SH3D19: variants seen among roughly 807,000 people sequenced by gnomAD.
SH3D19 encodes the protein SH3 domain containing 19.
A neutral mutation model predicts 112.1 loss-of-function variants in SH3D19; 58 were observed. The ratio of observed to expected loss-of-function variants is 0.52; its 90% CI spans 0.42 to 0.64. The LOEUF (loss-of-function observed/expected upper bound fraction) is 0.64, where lower values mean the gene tolerates loss of function less well. Ranked by LOEUF, SH3D19 falls within the 30% of genes least tolerant of loss-of-function variation. The pLI, the probability that SH3D19 is intolerant of heterozygous loss-of-function variation, is 0.00. For missense variants in SH3D19, 1,090 were observed against 1,263.4 expected (o/e 0.86, Z 2.08); for synonymous variants, 391 against 448.5 (o/e 0.87, Z 1.62).
chr4:151,193,512 C>T (rs1161306315), intron 2 of SH3D19, among the ~76,000 whole-genome samples: 4 of 152,154 alleles, frequency 2.6e-5, no homozygotes, highest in South Asian at 2.1e-4. Flanking sequence ...CCTGTCTCTT[C>T]GTAAGTTAAG....
intron 2 of SH3D19, among the ~76,000 whole-genome samples, chr4:151,198,394 T>A (rs1235539854): frequency 1.4e-5 from 2 of 143,752 alleles, no homozygotes; most frequent in African/African-American, 5.1e-5. Flanking sequence ...ATATATAATA[T>A]ATATCATATA....
intron 6 of SH3D19, 62 bp downstream of exon 6, chr4:151,176,472 A>G: frequency 8.3e-7 from 1 of 1,199,018 alleles, no homozygotes; most frequent in Non-Finnish European, 1.0e-6. Flanking sequence ...AAAGGCTGGA[A>G]GCCTACGGAT....
chr4:151,319,297 G>T (rs1355144339), intron 1 of SH3D19, among the ~76,000 whole-genome samples: 2 of 152,172 alleles, frequency 1.3e-5, no homozygotes, highest in Non-Finnish European at 2.9e-5. Flanking sequence ...TAGTCCACCC[G>T]CATTGGCCTC....
At chr4:151,258,640 C>T (rs1174754184) in intron 1 of SH3D19, among the ~76,000 whole-genome samples, 1 of 152,226 alleles carries the variant, frequency 6.6e-6, no homozygotes, top group Admixed American at 6.5e-5. Context: ...CCTGCTCTCC[C>T]AGGACAGCAG....
In SH3D19 at chr4:151,306,364, T is replaced by C. The variant is rs189833847; in HGVS notation, c.112+18877A>G. ...TCTGTTTACGTCATTTTTCTTATTTTAATAACAGGATGACAAAAGAACCTG... is the reference window on the plus strand; with the variant it reads ...TCTGTTTACGTCATTTTTCTTATTTCAATAACAGGATGACAAAAGAACCTG... On this transcript the variant is annotated intron_variant, in intron 1 of 19. Coordinates refer to ENST00000604030, the MANE Select transcript of SH3D19 (RefSeq NM_001378122.1). Among the ~76,000 whole-genome samples, 41 of 152,360 alleles carry C rather than the reference T, an allele frequency of 2.7e-4. No homozygotes were observed. The East Asian group carries it at 6.7e-3, about 25-fold the overall frequency.
Position 151,127,696 on chromosome 4 carries a change from C to G in SH3D19, c.2949G>C (p.Leu983Phe). 2 of 1,595,918 alleles carry G rather than the reference C, an allele frequency of 1.3e-6. No individual in the cohort carries two copies. Among genetic ancestry groups the G allele is most frequent in the Non-Finnish European group, 1.7e-6 (2 of 1,174,376 alleles). The change falls in exon 19 of 20, where the codon TTG (leucine) becomes TTC (phenylalanine). Residue 983 changes from leucine to phenylalanine, a missense_variant. Physicochemically the swap from Leu to Phe is conservative, Grantham distance 22 (BLOSUM62 0). Coordinates refer to ENST00000604030, the MANE Select transcript of SH3D19 (RefSeq NM_001378122.1). The stretch of plus-strand genomic sequence containing the variant: ...CCTTCCTCCCCTTCGGTACTATGGC[C>G]AACATACTTTTTGCCTCAGCTGTGA... ...RPCPAEAKSM[L>F]AIVPKGRKAK...
intron 11 of SH3D19, among the ~76,000 whole-genome samples, chr4:151,147,188 A>C (rs1376359736): frequency 6.6e-6 from 1 of 152,216 alleles, no homozygotes; most frequent in Non-Finnish European, 1.5e-5. Flanking sequence ...TCGAGACTGC[A>C]GTACACTATG....
chr4:151,130,641 C>T (rs1319640475), intron 17 of SH3D19, among the ~76,000 whole-genome samples: 2 of 151,946 alleles, frequency 1.3e-5, no homozygotes, highest in African/African-American at 2.4e-5. Flanking sequence ...AGTTGAGAAA[C>T]GTATAAAGAA....
intron 2 of SH3D19, among the ~76,000 whole-genome samples, chr4:151,198,727 CAT>C (rs1319047087): frequency 3.3e-5 from 5 of 151,804 alleles, no homozygotes; most frequent in African/African-American, 1.2e-4. Context: ...CATAAAAATG[CAT>C]AAATTATTTA....
In SH3D19 at chr4:151,215,684, T is replaced by C. The variant is rs867512991; in HGVS notation, c.152+10363A>G. ...AAGATGGCCTACAACTAAAATGAGA[T>C]TAGAAGTGGCAAAAACTTATCATGA... On this transcript the variant is annotated intron_variant, in intron 2 of 19. Coordinates refer to ENST00000604030, the MANE Select transcript of SH3D19 (RefSeq NM_001378122.1). 4.6e-5 allele frequency among the ~76,000 whole-genome samples: 7 copies of C among 152,264 alleles called. No individual in the cohort carries two copies. In the South Asian group the frequency reaches 1.5e-3, roughly 32 times the overall value.
At chr4:151,153,830 G>GC (rs1755544985) in intron 9 of SH3D19, among the ~76,000 whole-genome samples, 1 of 152,080 alleles carries the variant, frequency 6.6e-6, no homozygotes, top group Admixed American at 6.6e-5. Context: ...TGTCATGTGA[G>GC]GAACAAACAC....
chr4:151,149,731 T>G (rs1754578518), intron 9 of SH3D19, among the ~76,000 whole-genome samples, 170 bp from the exon 10 acceptor site: 1 of 152,196 alleles, frequency 6.6e-6, no homozygotes. Context: ...TATTTCTGCC[T>G]AAATTATTCA....
chr4:151,255,785 G>A (rs2149982796), intron 1 of SH3D19, among the ~76,000 whole-genome samples: 1 of 152,384 alleles, frequency 6.6e-6, no homozygotes, highest in South Asian at 2.1e-4. Flanking sequence ...GGCACCTCGG[G>A]AGGCCGAGGC....
chr4:151,318,256 G>A (rs2407169), intron 1 of SH3D19, among the ~76,000 whole-genome samples: 17,752 of 143,856 alleles, frequency 0.12, 1,158 homozygotes, highest in South Asian at 0.22. Flanking sequence ...AGCCAAGATC[G>A]CGCCACTGCA....
At chr4:151,268,306 A>G (rs1465388017) in intron 1 of SH3D19, among the ~76,000 whole-genome samples, 2 of 152,162 alleles carry the variant, frequency 1.3e-5, no homozygotes, top group African/African-American at 4.8e-5. Context: ...ACTTACTGTG[A>G]ATGGAGCTTG....
chr4:151,282,871 G>A (rs1390450852), intron 1 of SH3D19, among the ~76,000 whole-genome samples: 3 of 151,952 alleles, frequency 2.0e-5, no homozygotes, highest in African/African-American at 4.8e-5. Flanking sequence ...AGAATTTATC[G>A]GAAGTACTCA....
intron 8 of SH3D19, among the ~76,000 whole-genome samples, chr4:151,160,142 A>C (rs1330880473): frequency 2.1e-5 from 3 of 146,180 alleles, no homozygotes; most frequent in African/African-American, 7.7e-5. Context: ...GCTGCAGTGC[A>C]GTGGTGCAAT....
Position 151,161,979 on chromosome 4 carries a change from AAAG to A in SH3D19, c.1643-2630_1643-2628del, listed in dbSNP as rs760722937. On this transcript the variant is annotated intron_variant, in intron 8 of 19. Transcript: ENST00000604030. ...TTTATTTTTATGTATTCATTTTTTAAAAGAATATTTTTAAAATTTTACTTTAAG... is the reference window on the plus strand; with the variant it reads ...TTTATTTTTATGTATTCATTTTTTAAAATATTTTTAAAATTTTACTTTAAG... Among the ~76,000 whole-genome samples the A allele has an allele frequency of 2.6e-5, 4 of 151,606 alleles. No individual in the cohort carries two copies. In the East Asian group the frequency reaches 7.7e-4, roughly 29 times the overall value.
chr4:151,296,361 T>G (rs747604768), intron 1 of SH3D19, among the ~76,000 whole-genome samples: 1 of 152,166 alleles, frequency 6.6e-6, no homozygotes, highest in Non-Finnish European at 1.5e-5. Flanking sequence ...ACCCCAAACA[T>G]GAGATACAGC....
Sources: gnomAD v4.1 joint callset for allele counts (sites outside exome capture counted in the v4.1 genomes callset) on GRCh38, gnomAD v4.1.1 for gene constraint, MANE v1.5 for transcripts, NCBI Gene and HGNC (gene_info 2026-07-23, HGNC 2026-07-21) for gene names.